The following GPC5 variants were observed in gnomAD, a reference collection of about 807,000 sequenced individuals.
GPC5 encodes glypican 5.
In GPC5, 47 loss-of-function variants were observed where a neutral mutation model predicts 53.9. The observed-to-expected ratio is 0.87, with a 90% CI of 0.69 to 1.11. GPC5 has a LOEUF of 1.11. Among genes scored for constraint, GPC5 ranks in the 50% most tolerant of loss-of-function variants. GPC5 has a pLI of 0.00. For synonymous variants in GPC5, 286 were observed against 263.3 expected (o/e 1.09, Z -0.84); for missense variants, 748 against 713.1 (o/e 1.05, Z -0.56).
intron 6 of GPC5, among the ~76,000 whole-genome samples, chr13:91,951,415 A>T (rs959449087): frequency 7.2e-5 from 11 of 152,086 alleles, no homozygotes; most frequent in African/African-American, 2.7e-4. Context: ...CTGTTCGTTA[A>T]CTCTCTTGAT....
At chr13:92,745,341 A>G (rs755794131) in intron 7 of GPC5, among the ~76,000 whole-genome samples, 1 of 152,110 alleles carries the variant, frequency 6.6e-6, no homozygotes, top group Admixed American at 6.6e-5. Context: ...GTGCATTTCT[A>G]CAGCACACCT....
chr13:91,427,407 C>T (rs1261668988), intron 1 of GPC5, among the ~76,000 whole-genome samples: 1 of 152,188 alleles, frequency 6.6e-6, no homozygotes, highest in Non-Finnish European at 1.5e-5. Context: ...GACATGGAGT[C>T]AAATGAGATC....
At chr13:92,275,464 G>T (rs1179308958) in intron 7 of GPC5, among the ~76,000 whole-genome samples, 1 of 151,974 alleles carries the variant, frequency 6.6e-6, no homozygotes, top group Non-Finnish European at 1.5e-5. Context: ...ACATAATTTT[G>T]ACTTTCAATG....
intron 7 of GPC5, among the ~76,000 whole-genome samples, chr13:92,842,882 A>T (rs1445974536): frequency 6.6e-6 from 1 of 152,200 alleles, no homozygotes; most frequent in African/African-American, 2.4e-5. Flanking sequence ...AAAACTAAGG[A>T]AAAGTATGAA....
intron 2 of GPC5, among the ~76,000 whole-genome samples, chr13:91,636,512 G>C (rs2034290044): frequency 6.6e-6 from 1 of 151,978 alleles, no homozygotes; most frequent in South Asian, 2.1e-4. Flanking sequence ...TTTTTGTCCT[G>C]TGATTACAGT....
At chr13:92,375,299 A>G (rs958433032) in intron 7 of GPC5, among the ~76,000 whole-genome samples, 1 of 152,182 alleles carries the variant, frequency 6.6e-6, no homozygotes, top group African/African-American at 2.4e-5. Context: ...TGTCTTACAG[A>G]GTCTCATAGA....
chr13:92,368,683 T>C (rs1229695412), intron 7 of GPC5, among the ~76,000 whole-genome samples: 1 of 135,242 alleles, frequency 7.4e-6, no homozygotes, highest in Non-Finnish European at 1.6e-5. Context: ...AATGTGGAAA[T>C]GCTATTTTAT....
chr13:91,803,600 G>A (rs2038170232), intron 5 of GPC5, among the ~76,000 whole-genome samples: 1 of 152,140 alleles, frequency 6.6e-6, no homozygotes, highest in South Asian at 2.1e-4. Flanking sequence ...TTTAAAAGGT[G>A]TGCGTGTTAC....
At chr13:92,437,783 C>T (rs1031064094) in intron 7 of GPC5, among the ~76,000 whole-genome samples, 2 of 152,058 alleles carry the variant, frequency 1.3e-5, no homozygotes, top group African/African-American at 4.8e-5. Context: ...ACAAGCTGAA[C>T]TCTGATTGGT....
intron 5 of GPC5, among the ~76,000 whole-genome samples, chr13:91,864,396 CT>C (rs1259085366): frequency 6.6e-6 from 1 of 152,034 alleles, no homozygotes; most frequent in African/African-American, 2.4e-5. Context: ...ACTGTCTTTG[CT>C]TTTACAGGAA....
chr13:92,281,360 A>G (rs2042914429), intron 7 of GPC5, among the ~76,000 whole-genome samples: 1 of 152,224 alleles, frequency 6.6e-6, no homozygotes, highest in African/African-American at 2.4e-5. Flanking sequence ...AAACCTCTGC[A>G]GAAGTAAATG....
At chr13:92,529,563 G>A (rs1283098289) in intron 7 of GPC5, among the ~76,000 whole-genome samples, 3 of 152,066 alleles carry the variant, frequency 2.0e-5, no homozygotes, top group Admixed American at 6.5e-5. Context: ...ATCTAATATA[G>A]TAATGTAACC....
chr13:92,631,783 CACCT>C (rs745507133), intron 7 of GPC5, among the ~76,000 whole-genome samples: 13 of 152,162 alleles, frequency 8.5e-5, no homozygotes, highest in Non-Finnish European at 1.8e-4. Flanking sequence ...GCAAAATTCT[CACCT>C]AACCTCATGC....
intron 7 of GPC5, among the ~76,000 whole-genome samples, chr13:92,649,764 G>A (rs1197089103): frequency 6.6e-6 from 1 of 152,104 alleles, no homozygotes; most frequent in Admixed American, 6.6e-5. Context: ...AAGTAAGACA[G>A]TAATAATTGA....
At chr13:92,511,892 T>A (rs2138953389) in intron 7 of GPC5, among the ~76,000 whole-genome samples, 1 of 152,236 alleles carries the variant, frequency 6.6e-6, no homozygotes, top group African/African-American at 2.4e-5. Context: ...GCTTGTTATA[T>A]GGTGAAAGAG....
intron 7 of GPC5, among the ~76,000 whole-genome samples, chr13:92,623,643 T>G (rs1884949293): frequency 6.6e-6 from 1 of 152,172 alleles, no homozygotes; most frequent in African/African-American, 2.4e-5. Context: ...TTGTTTTTCT[T>G]TAGTAAGGAT....
chr13:92,599,391 G>A (rs555775940), intron 7 of GPC5, among the ~76,000 whole-genome samples: 1 of 152,130 alleles, frequency 6.6e-6, no homozygotes, highest in Non-Finnish European at 1.5e-5. Flanking sequence ...ATGGAAGAGC[G>A]GGGAGGGAAA....
intron 5 of GPC5, among the ~76,000 whole-genome samples, chr13:91,893,992 C>T (rs1348327690): frequency 1.3e-5 from 2 of 151,542 alleles, no homozygotes; most frequent in African/African-American, 4.9e-5. Context: ...GCATACAAAG[C>T]AATTTTTATG....
intron 7 of GPC5, among the ~76,000 whole-genome samples, chr13:92,852,236 C>T (rs931325920): frequency 2.0e-5 from 3 of 152,028 alleles, no homozygotes; most frequent in African/African-American, 4.8e-5. Flanking sequence ...AAGAGGGGAA[C>T]GTATTTACAC....
Sources: allele counts gnomAD v4.1 joint callset (sites outside exome capture counted in the v4.1 genomes callset), GRCh38; gene constraint gnomAD v4.1.1; transcripts MANE v1.5; gene names NCBI Gene and HGNC (gene_info 2026-07-23, HGNC 2026-07-21).